Variants in BTBD9 observed in about 807,000 individuals in gnomAD.
BTBD9 encodes the protein BTB domain containing 9.
A neutral mutation model predicts 64.3 loss-of-function variants in BTBD9; 49 were observed. The ratio of observed to expected loss-of-function variants is 0.76; its 90% CI spans 0.61 to 0.97. The LOEUF is 0.97. Ranked by LOEUF, BTBD9 falls within the 50% of genes least tolerant of loss-of-function variation. The pLI is 0.00. For missense variants in BTBD9, 598 were observed against 762.1 expected (o/e 0.78, Z 2.53); for synonymous variants, 260 against 274.7 (o/e 0.95, Z 0.53).
intron 6 of BTBD9, among the ~76,000 whole-genome samples, chr6:38,469,544 T>C (rs1238265296): frequency 6.6e-6 from 1 of 152,030 alleles, no homozygotes; most frequent in Non-Finnish European, 1.5e-5. Context: ...ATGGTCTCGA[T>C]CTCCTGACCT....
At chr6:38,596,975 T>C (rs1017454050) in intron 2 of BTBD9, among the ~76,000 whole-genome samples, 2 of 152,164 alleles carry the variant, frequency 1.3e-5, no homozygotes, top group African/African-American at 2.4e-5. Flanking sequence ...CTAGGAAGAA[T>C]AGGAGAGTGC....
rs77844154 is a variant in BTBD9 at position 38,636,453 on chromosome 6, T to A, written c.-28+3347A>T. On this transcript the variant is annotated intron_variant, in intron 1 of 10. Coordinates refer to ENST00000481247, the MANE Select transcript of BTBD9 (RefSeq NM_001099272.2). ...ACTGCCATTATTTCTTCTCTCCACT[T>A]CAAACCTGTTCCTCTTCCTGTGATT... is the stretch of plus-strand genomic sequence containing the variant. Among the ~76,000 whole-genome samples, 555 of 152,308 alleles carry A rather than the reference T, an allele frequency of 3.6e-3. 3 individuals carry two copies. Among genetic ancestry groups the A allele is most frequent in the African/African-American group, 0.013 (531 of 41,578 alleles).
At chr6:38,406,858 C>A (rs1346140999) in intron 6 of BTBD9, among the ~76,000 whole-genome samples, 1 of 152,206 alleles carries the variant, frequency 6.6e-6, no homozygotes, top group Non-Finnish European at 1.5e-5. Context: ...CTGCCTCAGC[C>A]TCCTGAGTAG....
chr6:38,183,120 C>T (rs912789733), intron 10 of BTBD9, among the ~76,000 whole-genome samples: 1 of 151,964 alleles, frequency 6.6e-6, no homozygotes, highest in Non-Finnish European at 1.5e-5. Flanking sequence ...GCTGGGACTA[C>T]AGGCGCCCGC....
At chr6:38,616,688 G>A (rs974626484) in intron 1 of BTBD9, among the ~76,000 whole-genome samples, 51 of 152,198 alleles carry the variant, frequency 3.4e-4, no homozygotes, top group African/African-American at 8.9e-4. Context: ...TGAAAAGAGC[G>A]CGCTTTGATA....
intron 6 of BTBD9, among the ~76,000 whole-genome samples, chr6:38,465,890 G>A (rs1427781057): frequency 7.2e-6 from 1 of 139,464 alleles, no homozygotes; most frequent in Admixed American, 7.3e-5. Flanking sequence ...GAGTGCCGTG[G>A]TATGATCATG....
chr6:38,295,084 C>T (rs1218217134), intron 7 of BTBD9, among the ~76,000 whole-genome samples: 1 of 151,910 alleles, frequency 6.6e-6, no homozygotes, highest in Admixed American at 6.6e-5. Context: ...GGATGCCAAG[C>T]TTTTGTAGGT....
chr6:38,222,540 T>G lies in BTBD9; in HGVS notation c.1563-29943A>C, dbSNP rs948209105. On this transcript the variant is annotated intron_variant, in intron 9 of 10. Transcript: ENST00000481247. ...TCCCAAAGTGCTAGGATTACAGGCA[T>G]GAACCACTGCGCCAGACCTTGATTT... Among the ~76,000 whole-genome samples the G allele has an allele frequency of 2.6e-5, 4 of 152,240 alleles. No homozygotes were observed. In the East Asian group the frequency reaches 7.7e-4, roughly 29 times the overall value.
At chr6:38,512,861 C>T (rs1021643957) in intron 6 of BTBD9, among the ~76,000 whole-genome samples, 4 of 152,068 alleles carry the variant, frequency 2.6e-5, no homozygotes, top group African/African-American at 9.7e-5. Flanking sequence ...TAGCTTAATG[C>T]TAAAGTTTAA....
chr6:38,233,780 T>C (rs1427738852), intron 9 of BTBD9, among the ~76,000 whole-genome samples: 2 of 152,230 alleles, frequency 1.3e-5, no homozygotes, highest in African/African-American at 2.4e-5. Flanking sequence ...TGAACCTGAA[T>C]TCGGCTGCCA....
chr6:38,337,297 C>T (rs962185343), intron 7 of BTBD9, among the ~76,000 whole-genome samples: 5 of 152,216 alleles, frequency 3.3e-5, no homozygotes, highest in African/African-American at 1.2e-4. Context: ...CCCTTAACAG[C>T]CCAGATTTCC....
At chr6:38,582,527 G>A (rs1485977607) in intron 4 of BTBD9, among the ~76,000 whole-genome samples, 1 of 152,184 alleles carries the variant, frequency 6.6e-6, no homozygotes, top group East Asian at 1.9e-4. Flanking sequence ...TCTGCCTGCA[G>A]AGGCCCTGTT....
intron 7 of BTBD9, among the ~76,000 whole-genome samples, chr6:38,332,382 A>C (rs908062974): frequency 5.2e-4 from 79 of 152,300 alleles, no homozygotes; most frequent in Admixed American, 1.7e-3. Flanking sequence ...GCAATTGTTA[A>C]CTGTCTCACT....
In BTBD9 at chr6:38,174,771, G is replaced by A; in HGVS notation, c.*214C>T. 1.7e-6 allele frequency: 1 copy of A among 586,506 alleles called. No individual in the cohort carries two copies. The highest frequency in any genetic ancestry group is 3.0e-6 in the Non-Finnish European group (1 of 337,252). The allele number at this position is 586,506 out of a possible 1,614,324, so 36.3% of individuals were successfully genotyped here. ...ATTGAAGACCCATTTTCTCCCCCTT[G>A]AGACCTGCCTGATTTGGATAAATTG... On this transcript the variant is annotated 3_prime_UTR_variant, in exon 11 of 11. Transcript: ENST00000481247.
intron 8 of BTBD9, among the ~76,000 whole-genome samples, chr6:38,281,684 T>A (rs1761518351): frequency 6.6e-6 from 1 of 152,212 alleles, no homozygotes; most frequent in Non-Finnish European, 1.5e-5. Flanking sequence ...TTATATAATA[T>A]TTTCCAACTG....
intron 7 of BTBD9, among the ~76,000 whole-genome samples, chr6:38,302,485 GTATATATATATATATATATATATATATA>G (rs59324806): frequency 1.4e-4 from 15 of 106,894 alleles, no homozygotes; most frequent in Middle Eastern, 5.4e-3. Flanking sequence ...TTGTGTGTAT[GTATATATATATATATATATATATATATA>G]TATATATATA....
At chr6:38,627,370 C>T (rs1033460367) in intron 1 of BTBD9, among the ~76,000 whole-genome samples, 1 of 152,100 alleles carries the variant, frequency 6.6e-6, no homozygotes, top group African/African-American at 2.4e-5. Flanking sequence ...ATGGAACAGC[C>T]TCCAAGATAT....
intron 10 of BTBD9, among the ~76,000 whole-genome samples, chr6:38,188,011 A>G (rs1284558660): frequency 2.6e-5 from 4 of 152,172 alleles, no homozygotes; most frequent in Non-Finnish European, 5.9e-5. Flanking sequence ...CAGCAGACGG[A>G]GACTGAGCCT....
At chr6:38,552,402 T>G (rs1397511347) in intron 6 of BTBD9, among the ~76,000 whole-genome samples, 1 of 152,084 alleles carries the variant, frequency 6.6e-6, no homozygotes, top group Non-Finnish European at 1.5e-5. Context: ...AAAGAGGAAG[T>G]AATGGCAGGA....
Sources: allele counts gnomAD v4.1 joint callset (sites outside exome capture counted in the v4.1 genomes callset), GRCh38; gene constraint gnomAD v4.1.1; transcripts MANE v1.5; gene names NCBI Gene and HGNC (gene_info 2026-07-23, HGNC 2026-07-21).